Variants in DAG1 observed in about 807,000 individuals in gnomAD.
DAG1 encodes the protein dystroglycan 1 (dystrophin-associated glycoprotein 1).
DAG1 carries 8 observed loss-of-function variants against 46.1 expected under a neutral mutation model. The ratio of observed to expected loss-of-function variants is 0.17; its 90% CI spans 0.10 to 0.31. DAG1 has a LOEUF of 0.31. DAG1 is among the 10% of genes least tolerant of loss of function. The pLI, the probability that DAG1 is intolerant of heterozygous loss-of-function variation, is 1.00. For synonymous variants in DAG1, 495 were observed against 481.8 expected (o/e 1.03, Z -0.36); for missense variants, 1,003 against 1,189.9 (o/e 0.84, Z 2.31).
At chr3:49,522,559 C>T (rs894856136) in intron 2 of DAG1, among the ~76,000 whole-genome samples, 61 of 151,048 alleles carry the variant, frequency 4.0e-4, no homozygotes, top group Non-Finnish European at 5.0e-4. Flanking sequence ...CCCGCCTCAG[C>T]CTCCTGAGTA....
intron 1 of DAG1, among the ~76,000 whole-genome samples, chr3:49,480,979 T>G: frequency 7.0e-6 from 1 of 143,448 alleles, no homozygotes; most frequent in South Asian, 2.2e-4. Flanking sequence ...GCCAGGACGG[T>G]CTCGATCTCC....
In DAG1 at chr3:49,480,752, A is replaced by G. The variant is rs1416749334; in HGVS notation, c.-117+10319A>G. Among the ~76,000 whole-genome samples, 3 of 137,258 alleles carry G rather than the reference A, an allele frequency of 2.2e-5. 1 individual carries two copies. The highest frequency in any genetic ancestry group is 5.0e-5 in the Non-Finnish European group (3 of 60,430). The allele number at this position is 137,258 out of a possible 152,430, so 90.0% of individuals were successfully genotyped here. ...ATAATGTTGCAATTAACATCTCTGC[A>G]TAAAGTTTTTTTTTTTTTTTTTTTT... On this transcript the variant is annotated intron_variant, in intron 1 of 2. Coordinates refer to ENST00000308775, the MANE Select transcript of DAG1 (RefSeq NM_004393.6).
chr3:49,532,364 T>G lies in DAG1; in HGVS notation c.1853T>G (p.Leu618Arg). 6.2e-7 allele frequency: 1 copy of G among 1,614,172 alleles called. No homozygotes were observed. Among genetic ancestry groups the G allele is most frequent in the Non-Finnish European group, 8.5e-7 (1 of 1,180,042 alleles). The change falls in exon 3 of 3, where the codon CTG (leucine) becomes CGG (arginine). Residue 618 changes from leucine (L) to arginine (R), a missense_variant. By Grantham distance (102) the Leu-to-Arg change is moderately radical. This residue lies in a region of DAG1 where 755 missense variants were observed against 854.1 expected (regional missense o/e 0.88). Transcript: ENST00000308775. The surrounding 1 kb of genome is among the most constrained non-coding windows in gnomAD (Gnocchi z 5.4). ...GCCAAGTTTGTGGGTGACCCGGCAC[T>G]GGTGTTGAATGACATCCACAAGAAG... is the stretch of plus-strand genomic sequence containing the variant. Reference protein sequence around the residue: ...FKAKFVGDPALVLNDIHKKIA... With the variant: ...FKAKFVGDPARVLNDIHKKIA...
intron 2 of DAG1, among the ~76,000 whole-genome samples, chr3:49,530,516 C>T (rs772037726): frequency 6.6e-6 from 1 of 152,196 alleles, no homozygotes; most frequent in Non-Finnish European, 1.5e-5. Flanking sequence ...GGCATCAGTT[C>T]TTGGGAATGA....
intron 2 of DAG1, among the ~76,000 whole-genome samples, chr3:49,513,932 C>G (rs778924491): frequency 6.6e-6 from 1 of 152,046 alleles, no homozygotes; most frequent in East Asian, 1.9e-4. Context: ...GAATGTTTTA[C>G]GTGGATTAAT....
rs1030274232 is a variant in DAG1 at position 49,496,963 on chromosome 3, G to A, written c.-116-13456G>A. Among the ~76,000 whole-genome samples, 3 of 151,656 alleles carry A rather than the reference G, an allele frequency of 2.0e-5. No homozygotes were observed. In the East Asian group the frequency reaches 5.9e-4, roughly 30 times the overall value. The stretch of plus-strand genomic sequence containing the variant: ...GTAGAGATGGGGGTCTCACTATGTT[G>A]TCCAGGCTTATATTTTAATATACCA... On this transcript the variant is annotated intron_variant, in intron 1 of 2. Coordinates refer to ENST00000308775, the MANE Select transcript of DAG1 (RefSeq NM_004393.6).
intron 1 of DAG1, among the ~76,000 whole-genome samples, chr3:49,478,033 G>A (rs894558044): frequency 2.0e-5 from 3 of 151,806 alleles, no homozygotes; most frequent in Non-Finnish European, 2.9e-5. Context: ...TTGGGAGGCC[G>A]AGGCGGGTAC....
chr3:49,498,237 A>G (rs529476888), intron 1 of DAG1, among the ~76,000 whole-genome samples: 1 of 152,236 alleles, frequency 6.6e-6, no homozygotes, highest in South Asian at 2.1e-4. Flanking sequence ...TTAGGTAGGA[A>G]CCTGTCCCAT....
chr3:49,472,088 TTGTA>T (rs981891942), intron 1 of DAG1, among the ~76,000 whole-genome samples: 3 of 152,048 alleles, frequency 2.0e-5, no homozygotes, highest in African/African-American at 7.2e-5. Flanking sequence ...AGTTCCAACT[TTGTA>T]TGCGGGGTGC....
rs1469319860 is a variant in DAG1 at position 49,532,019 on chromosome 3, T to C, written c.1508T>C (p.Ile503Thr). The part of the protein sequence containing the change: ...PNQRPELKNH[I>T]DRVDAWVGTY... ...CAGCGCCCAGAGCTCAAGAACCATA[T>C]TGACAGGGTAGATGCCTGGGTTGGC... The change falls in exon 3 of 3, where the codon ATT becomes ACT. Residue 503 changes from isoleucine (I) to threonine (T), a missense_variant. Coordinates refer to ENST00000308775, the MANE Select transcript of DAG1 (RefSeq NM_004393.6). This position sits in a 1 kb window ranked among gnomAD's most constrained non-coding sequence, Gnocchi z 5.4. The C allele has an allele frequency of 1.2e-6, 2 of 1,613,992 alleles. No homozygotes were observed. Among genetic ancestry groups the C allele is most frequent in the Non-Finnish European group, 1.7e-6 (2 of 1,180,022 alleles).
At chr3:49,523,110 TC>T (rs67260454) in intron 2 of DAG1, among the ~76,000 whole-genome samples, 36,219 of 152,134 alleles carry the variant, frequency 0.24, 4,618 homozygotes, top group Middle Eastern at 0.29. Context: ...TTTCTGCCCT[TC>T]CTGGCCTGGC....
chr3:49,534,029 G>T lies in DAG1; in HGVS notation c.*830G>T, dbSNP rs12583. On this transcript the variant is annotated 3_prime_UTR_variant, in exon 3 of 3. Coordinates refer to ENST00000308775, the MANE Select transcript of DAG1 (RefSeq NM_004393.6). ...GTACACTAGTGGCCCACGACCAAGG[G>T]GTCTTCATTTCCATGAAAAAGGGAC... 0.24 allele frequency: 36,281 copies of T among 152,586 alleles called. 4,618 individuals carry two copies. Among genetic ancestry groups the T allele is most frequent in the Middle Eastern group, 0.28 (83 of 292 alleles). 9.5% of individuals were successfully genotyped at this position (152,586 alleles called of 1,614,324 possible).
At chr3:49,528,405 C>G (rs2051249378) in intron 2 of DAG1, among the ~76,000 whole-genome samples, 1 of 148,656 alleles carries the variant, frequency 6.7e-6, no homozygotes, top group Non-Finnish European at 1.5e-5. Flanking sequence ...GTGCATCAGC[C>G]TCCCGACTAG....
intron 1 of DAG1, among the ~76,000 whole-genome samples, chr3:49,476,372 C>T (rs906282026): frequency 9.2e-5 from 14 of 152,072 alleles, no homozygotes; most frequent in South Asian, 2.1e-4. Flanking sequence ...TGTGGATCAC[C>T]TGAGCTCAGG....
intron 1 of DAG1, among the ~76,000 whole-genome samples, chr3:49,494,036 T>C (rs1403768812): frequency 6.6e-6 from 1 of 152,092 alleles, no homozygotes; most frequent in Non-Finnish European, 1.5e-5. Flanking sequence ...ATTAGAACCA[T>C]CTGTGGGAGG....
At position 49,520,844 on chromosome 3, in the gene DAG1, T is replaced by C. The variant is rs564219290; in HGVS notation, c.286-9953T>C. ...TCGTACATCTGTCTAGAGTCTTTGC[T>C]TGCCATTTCTAAGTCCTGCAACTCC... On this transcript the variant is annotated intron_variant, in intron 2 of 2. Coordinates refer to ENST00000308775, the MANE Select transcript of DAG1 (RefSeq NM_004393.6). 2.7e-3 allele frequency among the ~76,000 whole-genome samples: 418 copies of C among 152,320 alleles called. 3 individuals carry two copies. The highest frequency in any genetic ancestry group is 9.3e-3 in the African/African-American group (388 of 41,576).
chr3:49,476,129 C>G (rs372349360), intron 1 of DAG1, among the ~76,000 whole-genome samples: 46 of 152,198 alleles, frequency 3.0e-4, no homozygotes, highest in African/African-American at 1.1e-3. Flanking sequence ...GGTCTGTGTT[C>G]TGTGTTGAAG....
chr3:49,481,117 C>T lies in DAG1; in HGVS notation c.-117+10684C>T, dbSNP rs573124444. On this transcript the variant is annotated intron_variant, in intron 1 of 2. Coordinates refer to ENST00000308775, the MANE Select transcript of DAG1 (RefSeq NM_004393.6). ...ATAAGAAGTGAATTGTGGCCGGGCG[C>T]AGTGGCTTACGCCTGTAATCCCAGC... Among the ~76,000 whole-genome samples the T allele has an allele frequency of 1.0e-3, 148 of 147,062 alleles. No homozygotes were observed. The Middle Eastern group carries it at 0.01, about 10-fold the overall frequency.
At chr3:49,498,816 C>T (rs1428731338) in intron 1 of DAG1, among the ~76,000 whole-genome samples, 1 of 151,744 alleles carries the variant, frequency 6.6e-6, no homozygotes, top group African/African-American at 2.4e-5. Context: ...TCAAGCAGTT[C>T]ATTCACCTCA....
Sources: allele counts gnomAD v4.1 joint callset (sites outside exome capture counted in the v4.1 genomes callset), GRCh38; gene constraint gnomAD v4.1.1; regional missense constraint gnomAD v4.1.1; non-coding constraint Gnocchi (gnomAD v3.1); transcripts MANE v1.5; gene names NCBI Gene and HGNC (gene_info 2026-07-23, HGNC 2026-07-21).